Variants in PDHX observed in about 807,000 individuals in gnomAD.
PDHX encodes pyruvate dehydrogenase complex component X.
A neutral mutation model predicts 55.3 loss-of-function variants in PDHX; 33 were observed. That is an observed-to-expected ratio of 0.60 (90% CI 0.45 to 0.80). The LOEUF is 0.80. Ranked by LOEUF, PDHX falls within the 30% of genes least tolerant of loss-of-function variation. The pLI, the probability that PDHX is intolerant of heterozygous loss-of-function variation, is 0.00. For synonymous variants in PDHX, 226 were observed against 219.4 expected (o/e 1.03, Z -0.27); for missense variants, 622 against 619.9 (o/e 1.00, Z -0.04).
At chr11:34,979,076 GTGTTA>G (rs1022100899) in intron 8 of PDHX, among the ~76,000 whole-genome samples, 2 of 152,076 alleles carry the variant, frequency 1.3e-5, no homozygotes, top group African/African-American at 4.8e-5. Flanking sequence ...GTGGAGATTT[GTGTTA>G]TGTTTCAAAA....
intron 1 of PDHX, among the ~76,000 whole-genome samples, chr11:34,925,088 T>C (rs1590728281): frequency 6.6e-6 from 1 of 151,360 alleles, no homozygotes; most frequent in African/African-American, 2.5e-5. Context: ...TTTTAGTTAG[T>C]TTTTTCTGTG....
In PDHX at chr11:34,989,694, T is replaced by G. The variant is rs72917036; in HGVS notation, c.1183-2621T>G. On this transcript the variant is annotated intron_variant, in intron 9 of 10. Transcript: ENST00000227868. Reference sequence around the variant, plus strand: ...GTTTCTCAGTTCAGTTGCTAATTTCTTAGGCCTTCTGCAGCTTCTGTAGCT... The same window carrying G: ...GTTTCTCAGTTCAGTTGCTAATTTCGTAGGCCTTCTGCAGCTTCTGTAGCT... Among the ~76,000 whole-genome samples the G allele has an allele frequency of 5.3e-3, 812 of 152,326 alleles. 8 individuals carry two copies. The highest frequency in any genetic ancestry group is 0.017 in the South Asian group (84 of 4,834).
rs375860866 is a variant in PDHX at position 34,966,815 on chromosome 11, G to A, written c.816+1G>A. On this transcript the variant is annotated splice_donor_variant, in intron 6 of 10. Transcript: ENST00000227868. LOFTEE classifies it high-confidence loss of function. ...AACTCCTGGACAACCCAATGCAGTG[G>A]TAGTGTTCTCTAAGTGGATTTTTAT... The A allele has an allele frequency of 5.6e-6, 9 of 1,611,366 alleles. No individual in the cohort carries two copies. Among genetic ancestry groups the A allele is most frequent in the Admixed American group, 1.7e-5 (1 of 59,960 alleles).
chr11:34,957,918 A>G (rs1854941455), intron 4 of PDHX, among the ~76,000 whole-genome samples: 3 of 152,174 alleles, frequency 2.0e-5, no homozygotes, highest in Non-Finnish European at 2.9e-5. Context: ...CTCTGTTCCC[A>G]TTTATGGAGT....
intron 7 of PDHX, among the ~76,000 whole-genome samples, chr11:34,973,364 T>A (rs1374653126): frequency 1.3e-5 from 2 of 152,186 alleles, no homozygotes; most frequent in East Asian, 3.8e-4. Flanking sequence ...TCTTGCTATT[T>A]TATCCAATTC....
intron 2 of PDHX, among the ~76,000 whole-genome samples, chr11:34,932,416 G>A (rs1854199754): frequency 6.6e-6 from 1 of 152,102 alleles, no homozygotes; most frequent in Non-Finnish European, 1.5e-5. Flanking sequence ...ACAAGAAAGT[G>A]GGCGATACAT....
At chr11:34,977,924 G>T in intron 7 of PDHX, 200 bp from the exon 8 acceptor site, 1 of 605,404 alleles carries the variant, frequency 1.7e-6, no homozygotes, top group Non-Finnish European at 3.1e-6. Flanking sequence ...TTACATTCAT[G>T]GTTAATATTA....
chr11:34,958,298 G>C lies in PDHX; in HGVS notation c.542+715G>C, dbSNP rs372378279. Among the ~76,000 whole-genome samples, 18 of 151,962 alleles carry C rather than the reference G, an allele frequency of 1.2e-4. No individual in the cohort carries two copies. The East Asian group carries it at 2.5e-3, about 21-fold the overall frequency. On this transcript the variant is annotated intron_variant, in intron 4 of 10. Coordinates refer to ENST00000227868, the MANE Select transcript of PDHX (RefSeq NM_003477.3). ...AAAGAATCCACAGTGCTTTTTTTAG[G>C]GGGGGGCGTGCGGAGGTGGGTGACG...
intron 6 of PDHX, among the ~76,000 whole-genome samples, chr11:34,969,405 G>A (rs543175038): frequency 3.3e-5 from 5 of 150,322 alleles, no homozygotes; most frequent in African/African-American, 9.8e-5. Context: ...GTGCAGTGGC[G>A]CGATCTTGGC....
intron 7 of PDHX, 142 bp downstream of exon 7, chr11:34,970,428 A>G (rs1335811433): frequency 7.0e-6 from 5 of 712,132 alleles, no homozygotes; most frequent in Non-Finnish European, 1.2e-5. Context: ...TACTCTGGGT[A>G]TATTTGTGCT....
chr11:34,968,907 T>C (rs1358301431), intron 6 of PDHX, among the ~76,000 whole-genome samples: 1 of 152,234 alleles, frequency 6.6e-6, no homozygotes, highest in Non-Finnish European at 1.5e-5. Flanking sequence ...CCTGTCTTGG[T>C]GGATGTTCCA....
intron 7 of PDHX, among the ~76,000 whole-genome samples, chr11:34,977,171 G>C (rs193153385): frequency 6.6e-6 from 1 of 152,166 alleles, no homozygotes; most frequent in Non-Finnish European, 1.5e-5. Flanking sequence ...GATGCCTTTG[G>C]AATGAGCTGT....
At chr11:34,965,578 G>A (rs1270116002) in intron 5 of PDHX, among the ~76,000 whole-genome samples, 1 of 152,096 alleles carries the variant, frequency 6.6e-6, no homozygotes, top group Admixed American at 6.6e-5. Context: ...TAATGGGAGT[G>A]ACATCCATCA....
At chr11:34,967,759 G>A (rs993909804) in intron 6 of PDHX, among the ~76,000 whole-genome samples, 2 of 152,068 alleles carry the variant, frequency 1.3e-5, no homozygotes, top group African/African-American at 2.4e-5. Context: ...TATACCATAT[G>A]ATATTTTAAA....
intron 5 of PDHX, among the ~76,000 whole-genome samples, chr11:34,963,312 T>C (rs1171965212): frequency 1.3e-5 from 2 of 152,130 alleles, no homozygotes; most frequent in Admixed American, 1.3e-4. Flanking sequence ...AGGCTCTCAC[T>C]CTGTCACCCA....
At chr11:34,992,649 C>T (rs535064453) in intron 10 of PDHX, among the ~76,000 whole-genome samples, 15 of 152,132 alleles carry the variant, frequency 9.9e-5, no homozygotes, top group African/African-American at 3.6e-4. Flanking sequence ...GTATCTGACC[C>T]ACCCCCAATA....
At chr11:34,948,455 T>C (rs1306816452) in intron 3 of PDHX, among the ~76,000 whole-genome samples, 1 of 152,188 alleles carries the variant, frequency 6.6e-6, no homozygotes, top group African/African-American at 2.4e-5. Flanking sequence ...AGCATAGATG[T>C]AACACCTTCC....
chr11:34,947,536 G>A lies in PDHX; in HGVS notation c.272G>A (p.Cys91Tyr). The A allele has an allele frequency of 1.2e-6, 2 of 1,613,572 alleles. No homozygotes were observed. Among genetic ancestry groups the A allele is most frequent in the Admixed American group, 1.7e-5 (1 of 60,022 alleles). The part of the protein sequence containing the change: ...GEAVSAGDAL[C>Y]EIETDKAVVT... ...GCGGTGAGTGCTGGAGATGCATTAT[G>A]TGAAATTGAGACTGACAAAGCTGTG... The change falls in exon 3 of 11, where the codon TGT becomes TAT. Residue 91 changes from cysteine (C) to tyrosine (Y), a missense_variant. Physicochemically the swap from Cys to Tyr is radical, Grantham distance 194. Coordinates refer to ENST00000227868, the MANE Select transcript of PDHX (RefSeq NM_003477.3).
intron 5 of PDHX, among the ~76,000 whole-genome samples, chr11:34,963,011 C>T (rs1016340659): frequency 3.3e-5 from 5 of 152,008 alleles, no homozygotes; most frequent in African/African-American, 1.2e-4. Flanking sequence ...TAACTCTCCA[C>T]GAGAAAGGCA....
Sources: gnomAD v4.1 joint callset for allele counts (sites outside exome capture counted in the v4.1 genomes callset) on GRCh38, gnomAD v4.1.1 for gene constraint, MANE v1.5 for transcripts, NCBI Gene and HGNC (gene_info 2026-07-23, HGNC 2026-07-21) for gene names.